Variants in TTC6 observed in about 807,000 individuals in gnomAD.
TTC6 encodes tetratricopeptide repeat protein 6.
In TTC6, 172 loss-of-function variants were observed where a neutral mutation model predicts 210.4. That is an observed-to-expected ratio of 0.82 (90% CI 0.72 to 0.93). TTC6 has a LOEUF of 0.93. TTC6 is among the 40% of genes least tolerant of loss of function. TTC6 has a pLI of 0.00. For synonymous variants in TTC6, 804 were observed against 819.6 expected (o/e 0.98, Z 0.32); for missense variants, 2,414 against 2,318.1 (o/e 1.04, Z -0.85).
At chr14:37,787,168 A>G (rs921640711) in intron 14 of TTC6, among the ~76,000 whole-genome samples, 3 of 152,226 alleles carry the variant, frequency 2.0e-5, no homozygotes, top group African/African-American at 7.2e-5. Flanking sequence ...TAAATAATAA[A>G]TGTCATACTT....
At chr14:37,838,109 T>G (rs936679988) in intron 29 of TTC6, among the ~76,000 whole-genome samples, 5 of 152,306 alleles carry the variant, frequency 3.3e-5, no homozygotes, top group Middle Eastern at 3.4e-3. Context: ...CAAGCTGTAC[T>G]GTGAAAAGTG....
chr14:37,738,841 T>C lies in TTC6; in HGVS notation c.2049T>C (p.Asp683=), dbSNP rs1391791707. The C allele has an allele frequency of 2.0e-6, 3 of 1,531,942 alleles. No individual in the cohort carries two copies. In the South Asian group the frequency reaches 3.6e-5, roughly 18 times the overall value. The allele number at this position is 1,531,942 out of a possible 1,614,324, so 94.9% of individuals were successfully genotyped here. The change falls in exon 10 of 31, where the codon GAT becomes GAC. Residue 683 remains aspartate (D), a synonymous_variant. Transcript: ENST00000553443. ...TAGCTCCTTTGGAAATCAAGAATGA[T>C]ATGCAAAGCAGTATAAAAGAGGTTA... is the stretch of plus-strand genomic sequence containing the variant.
chr14:37,812,280 A>C, intron 24 of TTC6, 34 bp from the exon 27 acceptor site: 1 of 1,600,232 alleles, frequency 6.2e-7, no homozygotes, highest in South Asian at 1.1e-5. Context: ...AGGCTCTAAA[A>C]AGTTGAATCT....
At chr14:37,690,298 A>G (rs767343545) in intron 3 of TTC6, among the ~76,000 whole-genome samples, 2 of 152,118 alleles carry the variant, frequency 1.3e-5, no homozygotes, top group African/African-American at 4.8e-5. Flanking sequence ...AAAGGAAGAC[A>G]GGAAAGGAAG....
rs1214016698 is a variant in TTC6, at chr14:37,814,445, CCA to C, written c.4689+2013_4689+2014del. 9.2e-5 allele frequency among the ~76,000 whole-genome samples: 14 copies of C among 151,858 alleles called. No individual in the cohort carries two copies. In the East Asian group the frequency reaches 2.5e-3, roughly 27 times the overall value. The stretch of plus-strand genomic sequence containing the variant: ...AATATAAAAAAATATTAAAAGAATC[CCA>C]AATAAGTCTAGGAAGGGGAAGCAGA... On this transcript the variant is annotated intron_variant, in intron 25 of 30. Coordinates refer to ENST00000553443, the Ensembl canonical transcript of TTC6.
chr14:37,721,485 T>C (rs935857096), intron 6 of TTC6, among the ~76,000 whole-genome samples: 29 of 152,262 alleles, frequency 1.9e-4, no homozygotes, highest in African/African-American at 6.5e-4. Context: ...AAGCTCAGTT[T>C]TTTTCAGTGT....
chr14:37,678,614 C>T (rs1189622986), intron 1 of TTC6, among the ~76,000 whole-genome samples: 1 of 152,164 alleles, frequency 6.6e-6, no homozygotes, highest in Admixed American at 6.5e-5. Context: ...TTGGCTTTTG[C>T]CTTTTTGTGC....
intron 17 of TTC6, 100 bp downstream of exon 19, chr14:37,792,514 G>A (rs912134918): frequency 3.1e-6 from 3 of 956,892 alleles, no homozygotes; most frequent in African/African-American, 3.4e-5. Context: ...TTAGCTAATT[G>A]TAGGGGCTAA....
chr14:37,672,428 T>C (rs977858415), intron 1 of TTC6, among the ~76,000 whole-genome samples: 4 of 152,096 alleles, frequency 2.6e-5, no homozygotes, highest in African/African-American at 9.6e-5. Context: ...TCGTCTGTTG[T>C]TTTCATCTCT....
intron 24 of TTC6, among the ~76,000 whole-genome samples, chr14:37,810,907 C>T (rs187397158): frequency 1.3e-5 from 2 of 152,190 alleles, no homozygotes; most frequent in African/African-American, 4.8e-5. Context: ...GCTTCACTGA[C>T]ATACAATCAA....
chr14:37,704,446 T>G (rs2095831597), intron 5 of TTC6, among the ~76,000 whole-genome samples: 1 of 152,150 alleles, frequency 6.6e-6, no homozygotes, highest in East Asian at 1.9e-4. Flanking sequence ...AAACTATGAT[T>G]GTTACTCTTT....
At chr14:37,810,734 C>G (rs1466894726) in intron 24 of TTC6, among the ~76,000 whole-genome samples, 1 of 152,114 alleles carries the variant, frequency 6.6e-6, no homozygotes, top group Non-Finnish European at 1.5e-5. Flanking sequence ...CTGAGAAAAA[C>G]CAAGTAACTT....
chr14:37,836,058 A>G (rs563326957), intron 29 of TTC6, among the ~76,000 whole-genome samples: 13 of 152,128 alleles, frequency 8.5e-5, no homozygotes, highest in Admixed American at 2.6e-4. Flanking sequence ...AAAACTGGAT[A>G]TTTTACAAGT....
chr14:37,824,803 C>G (rs769259048), intron 27 of TTC6, among the ~76,000 whole-genome samples: 1 of 151,878 alleles, frequency 6.6e-6, no homozygotes, highest in Non-Finnish European at 1.5e-5. Flanking sequence ...TACAGTGTTC[C>G]GTAAAGTGGA....
chr14:37,637,776 A>G (rs1322704857), intron 1 of TTC6, among the ~76,000 whole-genome samples: 2 of 152,232 alleles, frequency 1.3e-5, no homozygotes, highest in Non-Finnish European at 2.9e-5. Flanking sequence ...CCACAGTGAC[A>G]TGTCACTGCA....
At chr14:37,694,325 C>T (rs925147340) in intron 3 of TTC6, among the ~76,000 whole-genome samples, 5 of 152,086 alleles carry the variant, frequency 3.3e-5, no homozygotes, top group Admixed American at 6.6e-5. Context: ...CAAAAGAAGA[C>T]ATACAAATGG....
chr14:37,827,392 T>A (rs773676914), intron 29 of TTC6, 26 bp downstream of exon 31: 1 of 1,606,408 alleles, frequency 6.2e-7, no homozygotes, highest in Non-Finnish European at 8.5e-7. Flanking sequence ...CTTAACGCTT[T>A]CTTTTTGACC....
At chr14:37,804,380 G>C (rs896543711) in intron 20 of TTC6, among the ~76,000 whole-genome samples, 1 of 152,192 alleles carries the variant, frequency 6.6e-6, no homozygotes, top group Non-Finnish European at 1.5e-5. Context: ...TTAAGCTTGT[G>C]TATATAGCCT....
intron 14 of TTC6, among the ~76,000 whole-genome samples, chr14:37,783,450 T>A (rs917626489): frequency 1.3e-5 from 2 of 152,242 alleles, no homozygotes; most frequent in Non-Finnish European, 2.9e-5. Flanking sequence ...GATGGTAGTG[T>A]GTATCTCTGT....
Sources: gnomAD v4.1 joint callset for allele counts (sites outside exome capture counted in the v4.1 genomes callset) on GRCh38, gnomAD v4.1.1 for gene constraint, MANE v1.5 for transcripts, NCBI Gene and HGNC (gene_info 2026-07-23, HGNC 2026-07-21) for gene names.